RAB1A: variants seen among roughly 807,000 people sequenced by gnomAD.
The protein encoded by RAB1A is ras-related protein Rab-1A.
Under a neutral mutation model 26.0 loss-of-function variants are expected in RAB1A, and 2 were observed. The observed-to-expected ratio is 0.08, with a 90% CI of 0.03 to 0.24. The LOEUF (loss-of-function observed/expected upper bound fraction) is 0.24. Among genes scored for constraint, RAB1A ranks in the 10% least tolerant of loss-of-function variants. The pLI, the probability that RAB1A is intolerant of heterozygous loss-of-function variation, is 1.00. For missense variants in RAB1A, 100 were observed against 247.0 expected (o/e 0.40, Z 3.99); for synonymous variants, 84 against 84.9 (o/e 0.99, Z 0.06).
At position 65,103,304 on chromosome 2, in the gene RAB1A, A is replaced by AAAACAAAAAAAAAAAC. The variant is rs1553392770; in HGVS notation, c.96+1429_96+1430insGTTTTTTTTTTTGTTT. On this transcript the variant is annotated intron_variant, in intron 2 of 5. Transcript: ENST00000409784. ...AACACAGCCAGAATCTGTCTCAAAA[A>AAAACAAAAAAAAAAAC]AAAAAAAAAACATTGTTTTATGTGA... is the stretch of plus-strand genomic sequence containing the variant. 1.9e-4 allele frequency among the ~76,000 whole-genome samples: 21 copies of AAAACAAAAAAAAAAAC among 112,534 alleles called. 1 individual carries two copies. The highest frequency in any genetic ancestry group is 1.2e-3 in the South Asian group (4 of 3,358). 73.8% of individuals were successfully genotyped at this position (112,534 alleles called of 152,430 possible).
At chr2:65,089,194 A>G (rs1669109266) in intron 4 of RAB1A, 124 bp from the exon 5 acceptor site, 2 of 926,362 alleles carry the variant, frequency 2.2e-6, no homozygotes, top group Admixed American at 5.4e-5. Flanking sequence ...TAGCTACAAA[A>G]TAACCACTGC....
At chr2:65,089,702 A>ATTTTTTTTTTTTTTTTT (rs58993413) in intron 4 of RAB1A, among the ~76,000 whole-genome samples, 1 of 141,950 alleles carries the variant, frequency 7.0e-6, no homozygotes, top group South Asian at 2.2e-4. Context: ...AATTTGATTA[A>ATTTTTTTTTTTTTTTTT]TTTTTTTTTT....
intron 1 of RAB1A, among the ~76,000 whole-genome samples, chr2:65,112,546 A>T (rs1159546968): frequency 6.6e-6 from 1 of 152,206 alleles, no homozygotes; most frequent in Non-Finnish European, 1.5e-5. Flanking sequence ...GCTGCTTTTG[A>T]GGTACAAGTA....
intron 1 of RAB1A, among the ~76,000 whole-genome samples, chr2:65,115,400 T>C (rs1427298501): frequency 2.0e-5 from 3 of 152,198 alleles, no homozygotes; most frequent in South Asian, 2.1e-4. Context: ...ATGATCATGA[T>C]TGACATAAAT....
intron 3 of RAB1A, among the ~76,000 whole-genome samples, chr2:65,093,716 G>A (rs1669222208): frequency 6.6e-6 from 1 of 150,808 alleles, no homozygotes; most frequent in South Asian, 2.1e-4. Flanking sequence ...TCCGCCTCCT[G>A]GGTTCAAGTG....
At chr2:65,116,020 G>T (rs1260061546) in intron 1 of RAB1A, among the ~76,000 whole-genome samples, 1 of 152,096 alleles carries the variant, frequency 6.6e-6, no homozygotes, top group Non-Finnish European at 1.5e-5. Context: ...GTTGGGCGTG[G>T]TGGTGGGCAC....
chr2:65,105,350 CA>C, intron 1 of RAB1A: 1 of 180,652 alleles, frequency 5.5e-6, no homozygotes, highest in South Asian at 9.1e-5. Flanking sequence ...ATTAAAAATA[CA>C]AAAATTAGCT....
intron 2 of RAB1A, among the ~76,000 whole-genome samples, chr2:65,098,350 T>C (rs1669337758): frequency 6.6e-6 from 1 of 152,162 alleles, no homozygotes; most frequent in Non-Finnish European, 1.5e-5. Flanking sequence ...CCAAACATCA[T>C]CTCTTGCCAA....
chr2:65,100,580 T>G (rs532215570), intron 2 of RAB1A, among the ~76,000 whole-genome samples: 11 of 151,412 alleles, frequency 7.3e-5, no homozygotes, highest in African/African-American at 1.2e-4. Context: ...GCCAACATGG[T>G]GAAACCCTGT....
At chr2:65,118,121 T>C (rs1185296962) in intron 1 of RAB1A, among the ~76,000 whole-genome samples, 1 of 152,174 alleles carries the variant, frequency 6.6e-6, no homozygotes, top group Non-Finnish European at 1.5e-5. Context: ...TGGTGGGAAC[T>C]CAGTGCTGCT....
intron 3 of RAB1A, among the ~76,000 whole-genome samples, chr2:65,093,121 T>C (rs1298040338): frequency 6.6e-6 from 1 of 152,192 alleles, no homozygotes; most frequent in Non-Finnish European, 1.5e-5. Context: ...ACATGCACCA[T>C]GCCTGGCAGA....
chr2:65,121,327 A>C (rs1430795072), intron 1 of RAB1A, among the ~76,000 whole-genome samples: 2 of 152,166 alleles, frequency 1.3e-5, no homozygotes, highest in African/African-American at 2.4e-5. Flanking sequence ...TGTTTCCAAA[A>C]GAATGGTCCC....
chr2:65,094,821 T>C (rs550656809), intron 3 of RAB1A, among the ~76,000 whole-genome samples: 1 of 152,306 alleles, frequency 6.6e-6, no homozygotes, highest in African/African-American at 2.4e-5. Flanking sequence ...AAAAGGCATT[T>C]ATAAAATGTA....
At position 65,114,875 on chromosome 2, in the gene RAB1A, C is replaced by A. The variant is rs1182100225; in HGVS notation, c.24-10069G>T. On this transcript the variant is annotated intron_variant, in intron 1 of 5. Coordinates refer to ENST00000409784, the MANE Select transcript of RAB1A (RefSeq NM_004161.5). ...TCAAAAAAAAAAAACAAAAAAAAAA[C>A]CAGTTTAAGGATGCAGAGCCTAATG... 5.4e-5 allele frequency among the ~76,000 whole-genome samples: 8 copies of A among 148,270 alleles called. No individual in the cohort carries two copies. In the South Asian group the frequency reaches 6.5e-4, roughly 12 times the overall value.
intron 1 of RAB1A, among the ~76,000 whole-genome samples, chr2:65,128,939 G>A (rs1019104311): frequency 2.0e-5 from 3 of 152,164 alleles, no homozygotes; most frequent in African/African-American, 7.2e-5. Flanking sequence ...CACATCTGCT[G>A]TGGTGACTTC....
chr2:65,103,222 G>C (rs1369583038), intron 2 of RAB1A, among the ~76,000 whole-genome samples: 1 of 142,708 alleles, frequency 7.0e-6, no homozygotes, highest in Non-Finnish European at 1.5e-5. Flanking sequence ...TTGGGAGGCT[G>C]AAGTGGGAGA....
At chr2:65,098,734 G>A (rs1009270183) in intron 2 of RAB1A, among the ~76,000 whole-genome samples, 7 of 150,948 alleles carry the variant, frequency 4.6e-5, no homozygotes, top group African/African-American at 1.2e-4. Flanking sequence ...TGGACATTTC[G>A]TATAAATGGA....
intron 3 of RAB1A, among the ~76,000 whole-genome samples, chr2:65,093,406 G>A (rs1467057535): frequency 6.6e-6 from 1 of 151,936 alleles, no homozygotes; most frequent in Non-Finnish European, 1.5e-5. Flanking sequence ...GTGTACAACT[G>A]GACTCAGTAC....
At chr2:65,107,701 C>G (rs1041162374) in intron 1 of RAB1A, among the ~76,000 whole-genome samples, 2 of 152,112 alleles carry the variant, frequency 1.3e-5, no homozygotes, top group Non-Finnish European at 2.9e-5. Context: ...GAACTCCACG[C>G]CAGGCATCCA....
Sources: allele counts gnomAD v4.1 joint callset (sites outside exome capture counted in the v4.1 genomes callset), GRCh38; gene constraint gnomAD v4.1.1; transcripts MANE v1.5; gene names NCBI Gene and HGNC (gene_info 2026-07-23, HGNC 2026-07-21).